Variants in GRXCR2 observed in about 807,000 individuals in gnomAD.
GRXCR2 encodes the protein glutaredoxin and cysteine rich domain containing 2.
Under a neutral mutation model 24.8 loss-of-function variants are expected in GRXCR2, and 23 were observed. That is an observed-to-expected ratio of 0.93 (90% confidence interval 0.67 to 1.32). The LOEUF (loss-of-function observed/expected upper bound fraction) is 1.32, where lower values mean the gene tolerates loss of function less well. Ranked by LOEUF, GRXCR2 falls within the 40% of genes most tolerant of loss-of-function variation. GRXCR2 has a pLI of 0.00. For missense variants in GRXCR2, 315 were observed against 303.4 expected, an observed-to-expected ratio of 1.04 and a Z score of -0.28; for synonymous variants, 130 against 116.1, an observed-to-expected ratio of 1.12 and a Z score of -0.77.
intron 1 of GRXCR2, among the ~76,000 whole-genome samples, chr5:145,869,285 G>A (rs561584936): frequency 2.6e-4 from 40 of 152,350 alleles, no homozygotes; most frequent in African/African-American, 9.4e-4. Flanking sequence ...ATGTTGTGAA[G>A]ATGAAATTAT....
intron 2 of GRXCR2, among the ~76,000 whole-genome samples, chr5:145,903,354 A>T (rs977249203): frequency 1.3e-5 from 2 of 152,130 alleles, no homozygotes; most frequent in Non-Finnish European, 2.9e-5. Context: ...CTATTGGAGA[A>T]ATCTAGATCA....
intron 2 of GRXCR2, among the ~76,000 whole-genome samples, chr5:145,929,199 C>CATATATATATATATATATATATA (rs373040257): frequency 3.4e-5 from 4 of 116,508 alleles, no homozygotes; most frequent in African/African-American, 9.5e-5. Flanking sequence ...ATATTCCCCC[C>CATATATATATATATATATATATA]TATATATATA....
upstream of GRXCR2, among the ~76,000 whole-genome samples, chr5:145,875,655 G>C (rs1262938696): frequency 6.6e-6 from 1 of 152,032 alleles, no homozygotes; most frequent in Admixed American, 6.6e-5. Flanking sequence ...TGTGTAACTG[G>C]TACAGAAATA....
upstream of GRXCR2, among the ~76,000 whole-genome samples, chr5:145,873,540 A>G (rs1212964753): frequency 2.0e-5 from 3 of 152,220 alleles, no homozygotes; most frequent in African/African-American, 7.2e-5. Context: ...AGTAAGTGAC[A>G]GAGCAGGGAT....
intron 2 of GRXCR2, among the ~76,000 whole-genome samples, chr5:145,864,344 G>T (rs567314393): frequency 6.6e-6 from 1 of 152,198 alleles, no homozygotes; most frequent in Non-Finnish European, 1.5e-5. Flanking sequence ...GGAGGGGCCA[G>T]CAGAGGCCAG....
At chr5:145,904,496 G>A (rs191062983) in intron 2 of GRXCR2, among the ~76,000 whole-genome samples, 4 of 152,272 alleles carry the variant, frequency 2.6e-5, no homozygotes, top group Admixed American at 1.3e-4. Context: ...GAGGAGGTAG[G>A]TTGCCTTCCT....
At chr5:145,904,748 T>A (rs142451654) in intron 2 of GRXCR2, among the ~76,000 whole-genome samples, 9 of 152,270 alleles carry the variant, frequency 5.9e-5, no homozygotes, top group Non-Finnish European at 1.0e-4. Flanking sequence ...TAAATGACAA[T>A]CATTGTATTC....
At chr5:145,894,426 C>A (rs184422882) in intron 2 of GRXCR2, among the ~76,000 whole-genome samples, 23 of 151,966 alleles carry the variant, frequency 1.5e-4, no homozygotes, top group Admixed American at 1.4e-3. Flanking sequence ...ATCAAATAGA[C>A]GCAATGAAAA....
intron 2 of GRXCR2, among the ~76,000 whole-genome samples, chr5:145,898,695 G>C (rs1448266846): frequency 6.6e-6 from 1 of 152,008 alleles, no homozygotes; most frequent in Non-Finnish European, 1.5e-5. Context: ...TATCTCAATA[G>C]ACAGGAAGGA....
At chr5:145,884,536 T>C (rs1410374470) in intron 2 of GRXCR2, among the ~76,000 whole-genome samples, 2 of 152,148 alleles carry the variant, frequency 1.3e-5, no homozygotes, top group African/African-American at 4.8e-5. Context: ...AGGTGAAATA[T>C]CTATGTCTGT....
chr5:145,897,325 T>TAA (rs1166752885), intron 2 of GRXCR2, among the ~76,000 whole-genome samples: 1 of 142,110 alleles, frequency 7.0e-6, no homozygotes. Flanking sequence ...TAAAGTATAA[T>TAA]AAAAAAAAAA....
chr5:145,904,596 G>A (rs774869809), intron 2 of GRXCR2, among the ~76,000 whole-genome samples: 3 of 152,132 alleles, frequency 2.0e-5, no homozygotes, highest in African/African-American at 7.2e-5. Context: ...CCCCTGCTCC[G>A]TGTGGTCCTG....
chr5:145,930,246 A>T (rs2149931557), intron 2 of GRXCR2, among the ~76,000 whole-genome samples: 1 of 152,158 alleles, frequency 6.6e-6, no homozygotes, highest in East Asian at 1.9e-4. Flanking sequence ...CACCACACCC[A>T]GCTAATCTTT....
intron 2 of GRXCR2, among the ~76,000 whole-genome samples, chr5:145,890,126 G>T (rs1319592272): frequency 1.3e-5 from 2 of 152,184 alleles, no homozygotes; most frequent in Non-Finnish European, 2.9e-5. Context: ...ATCTTCTTCT[G>T]TTGCCAGGCT....
intron 1 of GRXCR2, among the ~76,000 whole-genome samples, chr5:145,868,141 T>C (rs1225390225): frequency 6.6e-6 from 1 of 152,102 alleles, no homozygotes; most frequent in South Asian, 2.1e-4. Flanking sequence ...TGTTTTTATT[T>C]TATATGTTGA....
At chr5:145,882,255 T>G (rs983070939) in intron 2 of GRXCR2, among the ~76,000 whole-genome samples, 2 of 151,944 alleles carry the variant, frequency 1.3e-5, no homozygotes, top group Admixed American at 6.6e-5. Flanking sequence ...GGGAGAAAAT[T>G]TTTGCAATCT....
upstream of GRXCR2, among the ~76,000 whole-genome samples, chr5:145,876,679 A>G (rs1239913464): frequency 1.3e-5 from 2 of 152,130 alleles, no homozygotes; most frequent in African/African-American, 4.8e-5. Flanking sequence ...CATTTCTTCA[A>G]CACTTTTTTA....
At chr5:145,862,784 G>A (rs961434645) in intron 2 of GRXCR2, among the ~76,000 whole-genome samples, 2 of 152,146 alleles carry the variant, frequency 1.3e-5, no homozygotes, top group East Asian at 1.9e-4. Context: ...TGGCTCTAAT[G>A]ATCTCTGGCA....
intron 2 of GRXCR2, among the ~76,000 whole-genome samples, chr5:145,891,155 G>A (rs950423742): frequency 6.6e-6 from 1 of 152,054 alleles, no homozygotes; most frequent in Non-Finnish European, 1.5e-5. Context: ...TAAGGGGGAG[G>A]AGCCAACATG....
Sources: gnomAD v4.1 joint callset for allele counts (sites outside exome capture counted in the v4.1 genomes callset) on GRCh38, gnomAD v4.1.1 for gene constraint, MANE v1.5 for transcripts, NCBI Gene and HGNC (gene_info 2026-07-23, HGNC 2026-07-21) for gene names.